Variants in SAE1 observed in about 807,000 individuals in gnomAD.
SAE1 encodes the protein SUMO-activating enzyme subunit 1.
SAE1 carries 11 observed loss-of-function variants against 40.6 expected under a neutral mutation model. The observed-to-expected ratio is 0.27, with a 90% CI of 0.17 to 0.45. The LOEUF (loss-of-function observed/expected upper bound fraction) is 0.45, where lower values mean the gene tolerates loss of function less well. Ranked by LOEUF, SAE1 falls within the 20% of genes least tolerant of loss-of-function variation. The pLI is 1.00. For synonymous variants in SAE1, 155 were observed against 154.3 expected, an observed-to-expected ratio of 1.00 and a Z score of -0.03; for missense variants, 373 against 427.3, an observed-to-expected ratio of 0.87 and a Z score of 1.12.
intron 7 of SAE1, among the ~76,000 whole-genome samples, chr19:47,200,399 ATT>A (rs35657499): frequency 0.028 from 2,840 of 102,514 alleles, 66 homozygotes; most frequent in East Asian, 0.17. Flanking sequence ...AGCCTGCCTA[ATT>A]TTTTTTTTTT....
At chr19:47,197,469 C>A in intron 7 of SAE1, 92 bp downstream of exon 7, 1 of 1,146,008 alleles carries the variant, frequency 8.7e-7, no homozygotes, top group Non-Finnish European at 1.2e-6. Context: ...TATTAGAAAC[C>A]CTTCAGAGAG....
intron 2 of SAE1, 95 bp from the exon 3 acceptor site, chr19:47,150,107 G>T: frequency 1.2e-6 from 1 of 803,532 alleles, no homozygotes; most frequent in Non-Finnish European, 1.8e-6. Context: ...TTAGGTGGTA[G>T]GTATTTTAGC....
chr19:47,201,707 C>T (rs1159968511), intron 7 of SAE1, among the ~76,000 whole-genome samples: 3 of 151,944 alleles, frequency 2.0e-5, no homozygotes, highest in Admixed American at 6.6e-5. Flanking sequence ...CATCTCGGCT[C>T]ACTGCAACCT....
intron 6 of SAE1, chr19:47,180,260 T>C (rs1188537021): frequency 2.2e-6 from 1 of 456,156 alleles, no homozygotes; most frequent in African/African-American, 2.0e-5. Flanking sequence ...CCAGGGTTCC[T>C]TGGAGAAATG....
intron 1 of SAE1, among the ~76,000 whole-genome samples, chr19:47,131,577 C>G (rs1308240152): frequency 6.6e-6 from 1 of 150,956 alleles, no homozygotes; most frequent in East Asian, 2.0e-4. Flanking sequence ...TTGAGAGGCT[C>G]GGAGAGGCTG....
chr19:47,183,643 C>T (rs1335652090), intron 6 of SAE1, among the ~76,000 whole-genome samples: 2 of 152,298 alleles, frequency 1.3e-5, no homozygotes, highest in South Asian at 4.1e-4. Context: ...CCCCCACTCC[C>T]CCACCCACTT....
intron 6 of SAE1, among the ~76,000 whole-genome samples, chr19:47,181,622 G>A (rs1003758121): frequency 1.9e-4 from 28 of 150,338 alleles, no homozygotes; most frequent in Non-Finnish European, 3.5e-4. Flanking sequence ...GGGACTACAG[G>A]TGCCCGCCAC....
chr19:47,171,984 A>G (rs566442501), intron 6 of SAE1, among the ~76,000 whole-genome samples: 35 of 152,128 alleles, frequency 2.3e-4, no homozygotes, highest in African/African-American at 7.5e-4. Context: ...CAGTGGTGCA[A>G]TCTTGGCTCA....
chr19:47,166,670 C>T (rs140891634), intron 5 of SAE1, among the ~76,000 whole-genome samples: 75 of 152,270 alleles, frequency 4.9e-4, no homozygotes, highest in Non-Finnish European at 7.9e-4. Context: ...TTTTTGAAAC[C>T]TGCCTGGTAA....
At chr19:47,161,703 T>C (rs1301448715) in intron 5 of SAE1, among the ~76,000 whole-genome samples, 1 of 152,218 alleles carries the variant, frequency 6.6e-6, no homozygotes. Context: ...ATTACTGGTA[T>C]GGTGAGGCCC....
intron 7 of SAE1, among the ~76,000 whole-genome samples, chr19:47,198,135 G>T (rs1345740737): frequency 6.6e-5 from 10 of 151,272 alleles, no homozygotes; most frequent in African/African-American, 2.4e-4. Flanking sequence ...TTGAGACAGA[G>T]TTTTGCTCTT....
At chr19:47,191,927 G>A (rs996580256) in intron 6 of SAE1, among the ~76,000 whole-genome samples, 7 of 151,856 alleles carry the variant, frequency 4.6e-5, no homozygotes, top group African/African-American at 9.7e-5. Flanking sequence ...GGTGATGGCC[G>A]CCTGTAGTCC....
chr19:47,143,569 A>C lies in SAE1; in HGVS notation c.174A>C (p.Ala58=). 6.2e-7 allele frequency: 1 copy of C among 1,614,054 alleles called. No homozygotes were observed. Among genetic ancestry groups the C allele is most frequent in the African/African-American group, 1.3e-5 (1 of 75,006 alleles). ...AAATTGCCAAGAATCTCATCTTGGC[A>C]GGAGTGAAAGGACTGACCATGCTGG... is the stretch of plus-strand genomic sequence containing the variant. ...GAEIAKNLIL[A]GVKGLTMLDH... is the part of the protein sequence containing the mutation. The change falls in exon 2 of 9, where the codon GCA becomes GCC. Residue 58 remains alanine, a synonymous_variant. Coordinates refer to ENST00000270225, the MANE Select transcript of SAE1 (RefSeq NM_005500.3).
At chr19:47,149,525 C>T in intron 2 of SAE1, among the ~76,000 whole-genome samples, 1 of 152,088 alleles carries the variant, frequency 6.6e-6, no homozygotes. Flanking sequence ...CTTTAAACTA[C>T]TTGTGTATTT....
At chr19:47,187,734 C>A in intron 6 of SAE1, among the ~76,000 whole-genome samples, 1 of 152,124 alleles carries the variant, frequency 6.6e-6, no homozygotes, top group East Asian at 1.9e-4. Flanking sequence ...GTTGGCCAGG[C>A]TGGTCTCAAA....
chr19:47,187,355 G>A (rs2058550523), intron 6 of SAE1, among the ~76,000 whole-genome samples: 1 of 152,156 alleles, frequency 6.6e-6, no homozygotes, highest in African/African-American at 2.4e-5. Flanking sequence ...GGACAGACAT[G>A]GTGCCCTGTG....
chr19:47,205,380 T>G (rs1026406440), intron 8 of SAE1, among the ~76,000 whole-genome samples: 1 of 151,986 alleles, frequency 6.6e-6, no homozygotes, highest in African/African-American at 2.4e-5. Context: ...AATTCTTCCT[T>G]TGATCAAATC....
intron 6 of SAE1, among the ~76,000 whole-genome samples, chr19:47,194,171 C>T (rs956700589): frequency 3.9e-5 from 6 of 152,230 alleles, no homozygotes; most frequent in East Asian, 3.8e-4. Flanking sequence ...TTCACTCACT[C>T]GCCATTGGAC....
chr19:47,193,654 C>A (rs2058593880), intron 6 of SAE1, among the ~76,000 whole-genome samples: 2 of 150,878 alleles, frequency 1.3e-5, no homozygotes, highest in Admixed American at 1.3e-4. Context: ...AGTGAAACCC[C>A]ATCTCTACTA....
Sources: allele counts gnomAD v4.1 joint callset (sites outside exome capture counted in the v4.1 genomes callset), GRCh38; gene constraint gnomAD v4.1.1; transcripts MANE v1.5; gene names NCBI Gene and HGNC (gene_info 2026-07-23, HGNC 2026-07-21).